The following CLYBL variants were observed in gnomAD, a reference collection of about 807,000 sequenced individuals.
CLYBL encodes the protein citramalyl-CoA lyase, mitochondrial.
A neutral mutation model predicts 38.9 loss-of-function variants in CLYBL; 31 were observed. The observed-to-expected ratio is 0.80, with a 90% confidence interval of 0.60 to 1.08. CLYBL has a LOEUF of 1.08. Among genes scored for constraint, CLYBL ranks in the 50% least tolerant of loss-of-function variants. The pLI is 0.00. For missense variants in CLYBL, 434 were observed against 411.6 expected (o/e 1.05, Z -0.47); for synonymous variants, 171 against 158.6 (o/e 1.08, Z -0.59).
chr13:99,616,958 T>TA (rs1024976334), intron 1 of CLYBL, among the ~76,000 whole-genome samples: 72 of 151,240 alleles, frequency 4.8e-4, no homozygotes, highest in African/African-American at 1.6e-3. Context: ...TCCGTCTCAA[T>TA]AATAATAATA....
chr13:99,842,033 G>A (rs1481681886), intron 2 of CLYBL, among the ~76,000 whole-genome samples: 1 of 151,768 alleles, frequency 6.6e-6, no homozygotes, highest in Admixed American at 6.6e-5. Context: ...GACCAGGCTG[G>A]TCTCCAATTC....
At chr13:99,678,752 A>G (rs1455883866) in intron 1 of CLYBL, among the ~76,000 whole-genome samples, 1 of 152,182 alleles carries the variant, frequency 6.6e-6, no homozygotes, top group Non-Finnish European at 1.5e-5. Context: ...CATCTTTTAT[A>G]TAATTAAAAG....
intron 1 of CLYBL, among the ~76,000 whole-genome samples, chr13:99,771,774 ATT>A (rs2049400875): frequency 6.6e-6 from 1 of 152,200 alleles, no homozygotes. Flanking sequence ...GAGATTCTCC[ATT>A]AATAACAACA....
intron 1 of CLYBL, among the ~76,000 whole-genome samples, chr13:99,752,274 AC>A (rs2048971347): frequency 6.6e-6 from 1 of 152,054 alleles, no homozygotes; most frequent in African/African-American, 2.4e-5. Context: ...TTCTCCTTGA[AC>A]ATTCCCTAGC....
intron 1 of CLYBL, among the ~76,000 whole-genome samples, chr13:99,740,209 T>A (rs1258850252): frequency 1.3e-5 from 2 of 152,226 alleles, no homozygotes; most frequent in African/African-American, 2.4e-5. Flanking sequence ...TGGCATTAGT[T>A]CTATGATTCT....
intron 1 of CLYBL, among the ~76,000 whole-genome samples, chr13:99,687,342 G>A (rs747276128): frequency 1.3e-5 from 2 of 152,164 alleles, no homozygotes; most frequent in Non-Finnish European, 2.9e-5. Context: ...GCAGCTGCCT[G>A]GACTATCTAG....
chr13:99,696,765 C>T (rs1212301479), intron 1 of CLYBL, among the ~76,000 whole-genome samples: 1 of 124,610 alleles, frequency 8.0e-6, no homozygotes, highest in South Asian at 2.8e-4. Context: ...GGCAACATAG[C>T]AAGACCCCAT....
intron 1 of CLYBL, among the ~76,000 whole-genome samples, chr13:99,757,361 C>A (rs1473675050): frequency 1.3e-5 from 2 of 152,170 alleles, no homozygotes; most frequent in African/African-American, 2.4e-5. Flanking sequence ...AAATTTCTTG[C>A]ATTAAGACAG....
intron 2 of CLYBL, among the ~76,000 whole-genome samples, chr13:99,832,211 CT>C (rs1824068829): frequency 6.6e-6 from 1 of 152,232 alleles, no homozygotes; most frequent in Non-Finnish European, 1.5e-5. Context: ...TGATGGTTGA[CT>C]CCCATTAGGG....
intron 2 of CLYBL, among the ~76,000 whole-genome samples, chr13:99,798,346 C>T (rs1231728068): frequency 6.6e-6 from 1 of 152,132 alleles, no homozygotes; most frequent in Non-Finnish European, 1.5e-5. Flanking sequence ...TGTTTGGGCT[C>T]GTTCCCCCTC....
At chr13:99,678,098 A>G (rs2047680740) in intron 1 of CLYBL, among the ~76,000 whole-genome samples, 1 of 152,258 alleles carries the variant, frequency 6.6e-6, no homozygotes, top group African/African-American at 2.4e-5. Flanking sequence ...TGCCAGCCTT[A>G]TGAATGGCCC....
intron 1 of CLYBL, among the ~76,000 whole-genome samples, chr13:99,736,033 C>CTTTTCTT (rs2048660758): frequency 9.3e-6 from 1 of 107,000 alleles, no homozygotes; most frequent in Non-Finnish European, 2.0e-5. Context: ...CTATACGTTT[C>CTTTTCTT]TTTTCTTTTT....
chr13:99,749,715 G>A (rs1005478091), intron 1 of CLYBL, among the ~76,000 whole-genome samples: 3 of 152,176 alleles, frequency 2.0e-5, no homozygotes, highest in East Asian at 1.9e-4. Flanking sequence ...CAGGCTGCAC[G>A]CTTATTTATA....
intron 1 of CLYBL, among the ~76,000 whole-genome samples, chr13:99,685,591 A>G (rs1276336313): frequency 6.6e-6 from 1 of 152,130 alleles, no homozygotes. Context: ...ACTCCTTTAG[A>G]TGGTTGGTGG....
At chr13:99,651,939 A>AG (rs1247796588) in intron 1 of CLYBL, among the ~76,000 whole-genome samples, 1 of 151,278 alleles carries the variant, frequency 6.6e-6, no homozygotes, top group Non-Finnish European at 1.5e-5. Flanking sequence ...CTTGGGGGGA[A>AG]AAAAAGATTC....
At chr13:99,844,663 A>T (rs1032251133) in intron 2 of CLYBL, among the ~76,000 whole-genome samples, 12 of 152,116 alleles carry the variant, frequency 7.9e-5, no homozygotes, top group Non-Finnish European at 1.6e-4. Context: ...CTGTGGGGTG[A>T]CCTGTGTCTC....
At chr13:99,787,498 A>T (rs9517884) in intron 2 of CLYBL, among the ~76,000 whole-genome samples, 149,882 of 152,234 alleles carry the variant, frequency 0.98, 73,794 homozygotes, top group East Asian at 1. Context: ...TTGTCAAAGA[A>T]CAGATGGTTG....
chr13:99,631,200 T>C (rs2046938964), intron 1 of CLYBL, among the ~76,000 whole-genome samples: 1 of 152,030 alleles, frequency 6.6e-6, no homozygotes, highest in South Asian at 2.1e-4. Flanking sequence ...CGCATGCCTG[T>C]AGTGCCAGCT....
chr13:99,810,412 A>G (rs1256791779), intron 2 of CLYBL, among the ~76,000 whole-genome samples: 1 of 152,206 alleles, frequency 6.6e-6, no homozygotes, highest in African/African-American at 2.4e-5. Context: ...AGTGTGGGGT[A>G]CAGTGGGGAG....
Sources: allele counts gnomAD v4.1 joint callset (sites outside exome capture counted in the v4.1 genomes callset), GRCh38; gene constraint gnomAD v4.1.1; transcripts MANE v1.5; gene names NCBI Gene and HGNC (gene_info 2026-07-23, HGNC 2026-07-21).